Variants in TBC1D21 observed in about 807,000 individuals in gnomAD.
TBC1D21 encodes TBC1 domain family member 21, also known as male germ cell Rab GTPase-activating protein.
A neutral mutation model predicts 46.0 loss-of-function variants in TBC1D21; 38 were observed. The observed-to-expected ratio is 0.83, with a 90% CI of 0.64 to 1.08. The LOEUF is 1.08. TBC1D21 is among the 50% of genes least tolerant of loss of function. TBC1D21 has a pLI of 0.00. For synonymous variants in TBC1D21, 151 were observed against 157.2 expected, an observed-to-expected ratio of 0.96 and a Z score of 0.29; for missense variants, 415 against 417.9, an observed-to-expected ratio of 0.99 and a Z score of 0.06.
intron 1 of TBC1D21, among the ~76,000 whole-genome samples, chr15:73,874,191 C>T (rs2068019075): frequency 6.6e-6 from 1 of 152,198 alleles, no homozygotes; most frequent in Non-Finnish European, 1.5e-5. Context: ...TAAAAATTTT[C>T]CACACGGTAT....
chr15:73,892,080 CA>C (rs2068341787), downstream of TBC1D21, among the ~76,000 whole-genome samples: 1 of 152,202 alleles, frequency 6.6e-6, no homozygotes, highest in Non-Finnish European at 1.5e-5. Flanking sequence ...CACCCATGGA[CA>C]AATCAGCATG....
chr15:73,897,213 G>A, the TBC1D21 span, among the ~76,000 whole-genome samples: 1 of 152,172 alleles, frequency 6.6e-6, no homozygotes, highest in African/African-American at 2.4e-5. Flanking sequence ...TTAGTCCTTG[G>A]ACTCTGGAAT....
the TBC1D21 span, among the ~76,000 whole-genome samples, chr15:73,899,941 G>C: frequency 6.6e-6 from 1 of 152,242 alleles, no homozygotes; most frequent in Non-Finnish European, 1.5e-5. Context: ...CTGCACAGGG[G>C]ACTGGGCCAA....
chr15:73,880,464 T>C (rs2068133793), intron 1 of TBC1D21, among the ~76,000 whole-genome samples: 1 of 152,140 alleles, frequency 6.6e-6, no homozygotes, highest in Non-Finnish European at 1.5e-5. Flanking sequence ...TACATTATTA[T>C]AGAAAATTTT....
At chr15:73,881,778 AG>A (rs773749912) in intron 3 of TBC1D21, 31 bp downstream of exon 3, 19 of 1,598,836 alleles carry the variant, frequency 1.2e-5, no homozygotes, top group Non-Finnish European at 1.6e-5. Flanking sequence ...CTGGGACAGG[AG>A]GGGGGCCTGC....
chr15:73,884,821 C>T lies in TBC1D21; in HGVS notation c.408C>T (p.Gly136=), dbSNP rs148337402. 4.3e-6 allele frequency: 7 copies of T among 1,614,018 alleles called. No homozygotes were observed. In the African/African-American group the frequency reaches 9.3e-5, roughly 22 times the overall value. The part of the protein sequence containing the change: ...IQKIYDKDPL[G]NVLIDKKRLE... ...AAATCTATGACAAAGATCCCCTGGG[C>T]AACGTCCTCATCGACAAGAAGAGGC... Residue 136 remains glycine (G), a synonymous_variant, in exon 5 of 11, where the codon GGC becomes GGT. Transcript: ENST00000300504.
intron 1 of TBC1D21, 152 bp downstream of exon 1, chr15:73,873,921 C>A: frequency 1.2e-6 from 1 of 856,138 alleles, no homozygotes; most frequent in Non-Finnish European, 1.9e-6. Flanking sequence ...ACCATCAGCC[C>A]AAGGACAGGA....
chr15:73,906,831 C>T, the TBC1D21 span, among the ~76,000 whole-genome samples: 1 of 152,190 alleles, frequency 6.6e-6, no homozygotes, highest in Non-Finnish European at 1.5e-5. Flanking sequence ...GTTTACAGAG[C>T]TCCAGAACCC....
the TBC1D21 span, among the ~76,000 whole-genome samples, chr15:73,904,264 T>C: frequency 3.3e-5 from 5 of 152,270 alleles, no homozygotes; most frequent in African/African-American, 1.2e-4. Context: ...TCGAGCTCTA[T>C]AAGGCTACAG....
In TBC1D21 at chr15:73,888,572, C is replaced by CTT. The variant is rs2068296396; in HGVS notation, c.978+59_978+60insTT. On this transcript the variant is annotated intron_variant, in intron 10 of 10. Coordinates refer to ENST00000300504, the MANE Select transcript of TBC1D21 (RefSeq NM_153356.3). ...TCTTCCTCCTCCTCCTCTTCCTCCT[C>CTT]CTCCTCCTCTTCCTCCTCCTCCTCC... The CTT allele has an allele frequency of 5.9e-6, 7 of 1,179,330 alleles. No individual in the cohort carries two copies. The African/African-American group carries it at 8.8e-5, about 15-fold the overall frequency. 73.1% of individuals were successfully genotyped at this position (1,179,330 alleles called of 1,614,324 possible).
the TBC1D21 span, among the ~76,000 whole-genome samples, chr15:73,904,133 T>A: frequency 6.6e-6 from 1 of 152,240 alleles, no homozygotes; most frequent in Non-Finnish European, 1.5e-5. Flanking sequence ...CTAGGAAGTC[T>A]TCCTTCTAAG....
chr15:73,888,020 A>G (rs2068282341), intron 9 of TBC1D21, among the ~76,000 whole-genome samples: 1 of 152,202 alleles, frequency 6.6e-6, no homozygotes, highest in Non-Finnish European at 1.5e-5. Context: ...CTCCCTAACT[A>G]TTAAGCTCTA....
the TBC1D21 span, among the ~76,000 whole-genome samples, chr15:73,898,037 A>T: frequency 6.6e-6 from 1 of 152,186 alleles, no homozygotes; most frequent in Non-Finnish European, 1.5e-5. Context: ...CATGGCCCGC[A>T]TCATGGCCTG....
rs1007226489 is a variant in TBC1D21 at position 73,879,437 on chromosome 15, C to T, written c.61-1962C>T. ...TTTATCATGTTGGCCAGGCTGGTCT[C>T]GAACTCCTGACCTCAAGTGATCTGC... On this transcript the variant is annotated intron_variant, in intron 1 of 10. Transcript: ENST00000300504. 2.6e-5 allele frequency among the ~76,000 whole-genome samples: 4 copies of T among 152,038 alleles called. No homozygotes were observed. The East Asian group carries it at 5.8e-4, about 22-fold the overall frequency.
intron 9 of TBC1D21, 82 bp from the exon 10 acceptor site, chr15:73,888,348 T>C: frequency 8.5e-7 from 1 of 1,175,224 alleles, no homozygotes; most frequent in South Asian, 1.3e-5. Context: ...CCCTGGGTGC[T>C]GCAGGCAGCT....
intron 3 of TBC1D21, 79 bp downstream of exon 3, chr15:73,881,826 C>A (rs989639987): frequency 5.5e-6 from 7 of 1,261,762 alleles, no homozygotes; most frequent in African/African-American, 1.5e-5. Flanking sequence ...TGCAGACTAT[C>A]TTCTGCCCCC....
At chr15:73,881,279 G>T in intron 1 of TBC1D21, 120 bp from the exon 2 acceptor site, 1 of 674,794 alleles carries the variant, frequency 1.5e-6, no homozygotes, top group Non-Finnish European at 2.5e-6. Flanking sequence ...ATAGATTTCC[G>T]AAGTAAGTCA....
chr15:73,888,478 G>T lies in TBC1D21; in HGVS notation c.943G>T (p.Ala315Ser). The T allele has an allele frequency of 6.2e-7, 1 of 1,614,046 alleles. No homozygotes were observed. Among genetic ancestry groups the T allele is most frequent in the Non-Finnish European group, 8.5e-7 (1 of 1,180,000 alleles). ...DLDADELISA[A>S]CVVYAELIQK... ...TGATGCTGATGAGCTGATCTCTGCC[G>T]CCTGCGTGGTTTATGCTGAGCTCAT... is the stretch of plus-strand genomic sequence containing the variant. The change falls in exon 10 of 11, where the codon GCC becomes TCC. Residue 315 changes from alanine to serine, a missense_variant. Ala to Ser is a moderately conservative substitution (Grantham distance 99, BLOSUM62 1). Coordinates refer to ENST00000300504, the MANE Select transcript of TBC1D21 (RefSeq NM_153356.3).
chr15:73,898,880 A>AAATATATATATAT, the TBC1D21 span, among the ~76,000 whole-genome samples: 4 of 56,798 alleles, frequency 7.0e-5, no homozygotes, highest in African/African-American at 1.1e-4. Context: ...AAAAAAAAAA[A>AAATATATATATAT]ATATATATAT....
Sources: allele counts gnomAD v4.1 joint callset (sites outside exome capture counted in the v4.1 genomes callset), GRCh38; gene constraint gnomAD v4.1.1; transcripts MANE v1.5; gene names NCBI Gene and HGNC (gene_info 2026-07-23, HGNC 2026-07-21).